The following LRRC7 variants were observed in gnomAD, a reference collection of about 807,000 sequenced individuals.
LRRC7 encodes leucine rich repeat containing 7, also known as leucine-rich repeat-containing protein 7.
A neutral mutation model predicts 175.7 loss-of-function variants in LRRC7; 23 were observed. The ratio of observed to expected loss-of-function variants is 0.13; its 90% confidence interval spans 0.09 to 0.19. The LOEUF (loss-of-function observed/expected upper bound fraction) is 0.19. Ranked by LOEUF, LRRC7 falls within the 10% of genes least tolerant of loss-of-function variation. LRRC7 has a pLI of 1.00. For synonymous variants in LRRC7, 685 were observed against 680.9 expected (o/e 1.01, Z -0.09); for missense variants, 1,354 against 1,904.7 (o/e 0.71, Z 5.38).
intron 1 of LRRC7, among the ~76,000 whole-genome samples, chr1:69,655,536 A>T (rs1366698324): frequency 6.6e-6 from 1 of 152,088 alleles, no homozygotes; most frequent in African/African-American, 2.4e-5. Context: ...GCTTTCCCTA[A>T]GACTCCTAGT....
chr1:69,645,669 C>A (rs74084952), intron 1 of LRRC7, among the ~76,000 whole-genome samples: 1 of 151,852 alleles, frequency 6.6e-6, no homozygotes, highest in African/African-American at 2.4e-5. Context: ...CACAATACTG[C>A]TTTTTTTAGA....
At chr1:69,574,824 A>C (rs1006330333) in intron 1 of LRRC7, among the ~76,000 whole-genome samples, 4 of 152,104 alleles carry the variant, frequency 2.6e-5, no homozygotes, top group Non-Finnish European at 5.9e-5. Flanking sequence ...TCTTCTGATC[A>C]GTGTAATTCA....
chr1:70,015,348 T>A (rs951413445), intron 13 of LRRC7, among the ~76,000 whole-genome samples: 19 of 152,140 alleles, frequency 1.2e-4, no homozygotes, highest in Non-Finnish European at 2.6e-4. Flanking sequence ...GTTTAACTGC[T>A]TTCGCTCATA....
intron 23 of LRRC7, among the ~76,000 whole-genome samples, chr1:70,071,411 G>A (rs1466467020): frequency 1.3e-5 from 2 of 151,854 alleles, no homozygotes; most frequent in Non-Finnish European, 2.9e-5. Context: ...AAGAAATAGG[G>A]CAAAATACAT....
At chr1:70,013,884 G>A (rs1656741127) in intron 13 of LRRC7, 1 of 152,024 alleles carries the variant, frequency 6.6e-6, no homozygotes, top group African/African-American at 2.4e-5. Context: ...AGCTTTTATG[G>A]AATCATAAGA....
intron 25 of LRRC7, among the ~76,000 whole-genome samples, chr1:70,095,154 T>C (rs572367925): frequency 2.0e-5 from 3 of 152,306 alleles, no homozygotes; most frequent in South Asian, 4.1e-4. Flanking sequence ...CAAAGTAATT[T>C]GAAAAAATTT....
At chr1:70,074,920 T>TCC (rs1662666051) in intron 23 of LRRC7, among the ~76,000 whole-genome samples, 2 of 152,200 alleles carry the variant, frequency 1.3e-5, no homozygotes, top group Non-Finnish European at 2.9e-5. Context: ...AATTATCTTT[T>TCC]TATTACTCCA....
chr1:69,729,427 T>C (rs1276941990), intron 2 of LRRC7, among the ~76,000 whole-genome samples: 1 of 151,804 alleles, frequency 6.6e-6, no homozygotes, highest in Non-Finnish European at 1.5e-5. Context: ...ACAATGGGGG[T>C]ACAGGTATTA....
At position 70,127,175 on chromosome 1, in the gene LRRC7, A is replaced by G. The variant is rs1442764244; in HGVS notation, c.*5288A>G. Among the ~76,000 whole-genome samples, 2 of 152,198 alleles carry G rather than the reference A, an allele frequency of 1.3e-5. No homozygotes were observed. The highest frequency in any genetic ancestry group is 4.8e-5 in the African/African-American group (2 of 41,446). On this transcript the variant is annotated 3_prime_UTR_variant, in exon 27 of 27. Coordinates refer to ENST00000651989, the MANE Select transcript of LRRC7 (RefSeq NM_001370785.2). ...CAATGGTGGGGGTGGCAATGCCTTT[A>G]TAAAACTGTTTCTGCTTCTGTTTTT...
chr1:69,617,216 T>C (rs1475456979), intron 1 of LRRC7, among the ~76,000 whole-genome samples: 2 of 152,060 alleles, frequency 1.3e-5, no homozygotes, highest in Non-Finnish European at 2.9e-5. Context: ...TATATTGGAA[T>C]ATGAGCAGAA....
intron 22 of LRRC7, among the ~76,000 whole-genome samples, chr1:70,048,672 CA>C (rs1438449900): frequency 6.6e-6 from 1 of 151,920 alleles, no homozygotes; most frequent in African/African-American, 2.4e-5. Flanking sequence ...TTAACTAATC[CA>C]AAACATATCA....
intron 7 of LRRC7, among the ~76,000 whole-genome samples, chr1:69,877,109 C>T (rs1686111789): frequency 6.6e-6 from 1 of 152,078 alleles, no homozygotes; most frequent in Non-Finnish European, 1.5e-5. Flanking sequence ...AAGGAGTAAC[C>T]ATGAGGTAGA....
At chr1:69,774,610 T>C (rs1163311774) in intron 3 of LRRC7, among the ~76,000 whole-genome samples, 2 of 152,230 alleles carry the variant, frequency 1.3e-5, no homozygotes, top group African/African-American at 4.8e-5. Flanking sequence ...TTTTGCTATC[T>C]ATGTGTATTC....
At chr1:69,809,349 AG>A (rs1158069282) in intron 4 of LRRC7, among the ~76,000 whole-genome samples, 2 of 152,134 alleles carry the variant, frequency 1.3e-5, no homozygotes, top group East Asian at 3.9e-4. Flanking sequence ...AGAGGTAAAA[AG>A]AGTAGCTGGT....
intron 2 of LRRC7, among the ~76,000 whole-genome samples, chr1:69,744,761 C>A (rs1195616003): frequency 6.6e-6 from 1 of 151,732 alleles, no homozygotes; most frequent in African/African-American, 2.4e-5. Context: ...GAGACATTTC[C>A]ATTTGAAAAG....
At chr1:69,919,602 C>G in intron 7 of LRRC7, 2 of 817,334 alleles carry the variant, frequency 2.4e-6, no homozygotes. Context: ...AAGGAGGAGG[C>G]CCTGGAGCTG....
intron 7 of LRRC7, among the ~76,000 whole-genome samples, chr1:69,898,540 A>G (rs1646042375): frequency 6.6e-6 from 1 of 152,260 alleles, no homozygotes; most frequent in Non-Finnish European, 1.5e-5. Flanking sequence ...AGAACACTAC[A>G]GTGTAATACC....
At chr1:69,577,939 G>A (rs990028889) in intron 1 of LRRC7, among the ~76,000 whole-genome samples, 1 of 151,988 alleles carries the variant, frequency 6.6e-6, no homozygotes, top group African/African-American at 2.4e-5. Context: ...AGCTTGATGG[G>A]GATAGCATTG....
rs530899870 is a variant in LRRC7 at position 69,634,874 on chromosome 1, T to C, written c.3-43507T>C. Among the ~76,000 whole-genome samples the C allele has an allele frequency of 5.3e-4, 81 of 152,236 alleles. 1 individual carries two copies. The South Asian group carries it at 8.5e-3, about 16-fold the overall frequency. On this transcript the variant is annotated intron_variant, in intron 1 of 26. Transcript: ENST00000651989. The stretch of plus-strand genomic sequence containing the variant: ...ACTGAAGCACACATAAAAGAAAATT[T>C]GACTGAGCGGAAAATTGAGAAGTGA...
Sources: gnomAD v4.1 joint callset for allele counts (sites outside exome capture counted in the v4.1 genomes callset) on GRCh38, gnomAD v4.1.1 for gene constraint, MANE v1.5 for transcripts, NCBI Gene and HGNC (gene_info 2026-07-23, HGNC 2026-07-21) for gene names.